Variants in CTNNA2 observed in about 807,000 individuals in gnomAD.
CTNNA2 encodes catenin alpha 2.
A neutral mutation model predicts 101.0 loss-of-function variants in CTNNA2; 42 were observed. The observed-to-expected ratio is 0.42, with a 90% CI of 0.32 to 0.54. The LOEUF (loss-of-function observed/expected upper bound fraction) is 0.54, where lower values mean the gene tolerates loss of function less well. CTNNA2 is among the 20% of genes least tolerant of loss of function. CTNNA2 has a pLI of 0.14. For synonymous variants in CTNNA2, 450 were observed against 456.4 expected (o/e 0.99, Z 0.18); for missense variants, 871 against 1,223.1 (o/e 0.71, Z 4.29).
intron 1 of CTNNA2, among the ~76,000 whole-genome samples, chr2:79,647,716 T>G (rs1276988328): frequency 6.6e-6 from 1 of 152,212 alleles, no homozygotes; most frequent in Admixed American, 6.5e-5. Context: ...TACCATTGTG[T>G]TAGCTATTGC....
upstream of CTNNA2, among the ~76,000 whole-genome samples, chr2:79,511,041 G>A (rs777529232): frequency 1.3e-5 from 2 of 152,186 alleles, no homozygotes; most frequent in Non-Finnish European, 2.9e-5. Context: ...TCTTTGGCCT[G>A]TAGTTTTTAG....
chr2:80,493,590 C>T (rs1449572959), intron 9 of CTNNA2, among the ~76,000 whole-genome samples: 2 of 152,124 alleles, frequency 1.3e-5, no homozygotes, highest in Non-Finnish European at 2.9e-5. Flanking sequence ...TTAGTGAATC[C>T]ATTTGGGTTC....
chr2:79,618,311 T>C (rs1262147721), intron 1 of CTNNA2, among the ~76,000 whole-genome samples: 1 of 152,224 alleles, frequency 6.6e-6, no homozygotes, highest in Non-Finnish European at 1.5e-5. Context: ...AATTTTATGT[T>C]TCTCTTCTTT....
intron 7 of CTNNA2, among the ~76,000 whole-genome samples, chr2:80,204,033 G>C (rs1707373432): frequency 6.6e-6 from 1 of 152,156 alleles, no homozygotes; most frequent in African/African-American, 2.4e-5. Flanking sequence ...TTTTAGTTAT[G>C]GCTGGAGTGG....
chr2:80,306,400 T>TTTTCTTTTCTTTCTTTCTTTCTTTC (rs1491389570), intron 7 of CTNNA2, among the ~76,000 whole-genome samples: 2 of 109,200 alleles, frequency 1.8e-5, no homozygotes, highest in African/African-American at 4.1e-5. Context: ...TTTTCTTTTC[T>TTTTCTTTTCTTTCTTTCTTTCTTTC]TTTCTTTCTT....
chr2:80,416,268 G>A (rs1175555602), intron 8 of CTNNA2, among the ~76,000 whole-genome samples: 1 of 151,648 alleles, frequency 6.6e-6, no homozygotes. Flanking sequence ...ACTCAATTGT[G>A]GTAATCATTT....
intron 2 of CTNNA2, among the ~76,000 whole-genome samples, chr2:79,305,676 T>A (rs1203876134): frequency 2.0e-5 from 3 of 152,100 alleles, no homozygotes; most frequent in African/African-American, 7.2e-5. Flanking sequence ...CACCTGTCAA[T>A]ATAGGTTAAC....
intron 1 of CTNNA2, among the ~76,000 whole-genome samples, chr2:79,566,978 C>T (rs1473439531): frequency 6.6e-6 from 1 of 152,072 alleles, no homozygotes; most frequent in East Asian, 1.9e-4. Context: ...TTGACAAGAA[C>T]GTAAATGAAA....
intron 2 of CTNNA2, chr2:79,687,799 A>G (rs1684037748): frequency 2.1e-6 from 1 of 473,430 alleles, no homozygotes. Context: ...ACAGGCGCCA[A>G]AAATGGATTT....
At chr2:79,249,345 G>C (rs1558586607) in intron 2 of CTNNA2, among the ~76,000 whole-genome samples, 1 of 151,980 alleles carries the variant, frequency 6.6e-6, no homozygotes, top group Non-Finnish European at 1.5e-5. Flanking sequence ...CACTTAAAAG[G>C]GTTGTCCCTT....
chr2:80,076,427 T>C (rs760336446), intron 7 of CTNNA2, among the ~76,000 whole-genome samples: 10 of 151,996 alleles, frequency 6.6e-5, no homozygotes, highest in Non-Finnish European at 1.3e-4. Context: ...CACAGATATG[T>C]GCCACCATGC....
At chr2:80,418,810 A>G (rs767713046) in intron 8 of CTNNA2, among the ~76,000 whole-genome samples, 2 of 152,242 alleles carry the variant, frequency 1.3e-5, no homozygotes, top group Non-Finnish European at 2.9e-5. Context: ...TATTTTAACA[A>G]TGTGGGAATG....
intron 7 of CTNNA2, among the ~76,000 whole-genome samples, chr2:80,209,062 T>C (rs1707719837): frequency 1.3e-5 from 2 of 152,268 alleles, no homozygotes; most frequent in East Asian, 1.9e-4. Context: ...GAAAATATCA[T>C]AGTAAGGAGG....
chr2:80,476,274 A>G (rs927784049), intron 9 of CTNNA2, among the ~76,000 whole-genome samples: 1 of 152,158 alleles, frequency 6.6e-6, no homozygotes, highest in East Asian at 1.9e-4. Context: ...GTTCATGTCA[A>G]TTAGGACAGA....
intron 2 of CTNNA2, among the ~76,000 whole-genome samples, chr2:79,698,797 G>C (rs1283441275): frequency 6.6e-6 from 1 of 151,952 alleles, no homozygotes; most frequent in African/African-American, 2.4e-5. Flanking sequence ...TCCACACTTT[G>C]GCCCTGATAA....
Position 79,442,883 on chromosome 2 carries a change from C to T in CTNNA2, c.-134-62171C>T, listed in dbSNP as rs76071216. On this transcript the variant is annotated intron_variant, in intron 4 of 21. Coordinates refer to the CTNNA2 transcript ENST00000466387. ...GCCTTCCTGCAGTACTCCCTGGTTACCTCTCACAGAACTCCTACCTCCACC... is the reference window on the plus strand; with the variant it reads ...GCCTTCCTGCAGTACTCCCTGGTTATCTCTCACAGAACTCCTACCTCCACC... Among the ~76,000 whole-genome samples the T allele has an allele frequency of 0.011, 1,614 of 152,134 alleles. 77 individuals are homozygous for T. The East Asian group carries it at 0.13, about 12-fold the overall frequency.
chr2:80,438,979 G>C (rs1210561685), intron 9 of CTNNA2, among the ~76,000 whole-genome samples: 1 of 152,194 alleles, frequency 6.6e-6, no homozygotes, highest in Non-Finnish European at 1.5e-5. Flanking sequence ...GAAGCAGCCT[G>C]TTGCCACTGC....
intron 3 of CTNNA2, among the ~76,000 whole-genome samples, chr2:79,365,165 T>C (rs1439782261): frequency 6.6e-6 from 1 of 151,948 alleles, no homozygotes; most frequent in Non-Finnish European, 1.5e-5. Context: ...TAGTCCCAGC[T>C]ACTCAGGAGA....
chr2:79,188,337 T>C (rs1021939583), intron 1 of CTNNA2, among the ~76,000 whole-genome samples: 3 of 152,158 alleles, frequency 2.0e-5, no homozygotes, highest in African/African-American at 4.8e-5. Flanking sequence ...CTGAGATTCT[T>C]GCTCTGCTTC....
Sources: gnomAD v4.1 joint callset for allele counts (sites outside exome capture counted in the v4.1 genomes callset) on GRCh38, gnomAD v4.1.1 for gene constraint, MANE v1.5 for transcripts, NCBI Gene and HGNC (gene_info 2026-07-23, HGNC 2026-07-21) for gene names.